Variants in CDK13 observed in about 807,000 individuals in gnomAD.
The protein encoded by CDK13 is cyclin dependent kinase 13, also known as cyclin-dependent kinase 13.
A neutral mutation model predicts 137.6 loss-of-function variants in CDK13; 40 were observed. That is an observed-to-expected ratio of 0.29 (90% CI 0.23 to 0.38). The LOEUF (loss-of-function observed/expected upper bound fraction) is 0.38. CDK13 is among the 10% of genes least tolerant of loss of function. The pLI, the probability that CDK13 is intolerant of heterozygous loss-of-function variation, is 1.00. For missense variants in CDK13, 1,704 were observed against 1,951.8 expected (o/e 0.87, Z 2.39); for synonymous variants, 869 against 760.1 (o/e 1.14, Z -2.36).
chr7:40,050,787 C>T (rs930265795), intron 7 of CDK13, among the ~76,000 whole-genome samples: 3 of 152,140 alleles, frequency 2.0e-5, no homozygotes, highest in African/African-American at 7.2e-5. Context: ...TGAGATTTCA[C>T]TGTAGTTAGA....
chr7:39,986,931 G>C (rs1401510071), intron 1 of CDK13: 2 of 152,118 alleles, frequency 1.3e-5, no homozygotes, highest in Non-Finnish European at 2.9e-5. Flanking sequence ...GGGACTACAG[G>C]CGTGTGCCAC....
chr7:40,037,156 A>G (rs577289730), intron 5 of CDK13, among the ~76,000 whole-genome samples: 2 of 152,276 alleles, frequency 1.3e-5, no homozygotes, highest in African/African-American at 4.8e-5. Flanking sequence ...CCAGAAGTTT[A>G]TTTAGATACA....
At position 39,999,344 on chromosome 7, in the gene CDK13, A is replaced by C. The variant is rs1784634850; in HGVS notation, c.2043-17A>C. The C allele has an allele frequency of 6.3e-7, 1 of 1,587,616 alleles. No homozygotes were observed. Among genetic ancestry groups the C allele is most frequent in the African/African-American group, 1.4e-5 (1 of 73,542 alleles). On this transcript the variant is annotated splice_polypyrimidine_tract_variant and intron_variant, in intron 3 of 13. Coordinates refer to ENST00000181839, the MANE Select transcript of CDK13 (RefSeq NM_003718.5). ...TTGCTTGATTGTATATAAAAACTTT[A>C]GAACTATATTTGATAGAATATGTGG... is the stretch of plus-strand genomic sequence containing the variant.
rs1787106359 is a variant in CDK13 at position 39,950,412 on chromosome 7, C to T, written c.-230C>T. 3 of 1,231,932 alleles carry T rather than the reference C, an allele frequency of 2.4e-6. No individual in the cohort carries two copies. Among genetic ancestry groups the T allele is most frequent in the South Asian group, 4.0e-5 (1 of 25,226 alleles). 76.3% of individuals were successfully genotyped at this position (1,231,932 alleles called of 1,614,324 possible). On this transcript the variant is annotated 5_prime_UTR_variant, in exon 1 of 14. Transcript: ENST00000181839. ...AGGACGACGAGCGCAATCGGGAGCT[C>T]CGCCGCCCGGATTCCTGCTTCCCTG...
At position 40,095,546 on chromosome 7, in the gene CDK13, T is replaced by TA. The variant is rs35644284; in HGVS notation, c.*577dup. 119,340 of 149,386 alleles carry TA rather than the reference T, an allele frequency of 0.8. 48,007 individuals are homozygous for TA. The highest frequency in any genetic ancestry group is 0.92 in the African/African-American group (37,399 of 40,806). The allele number at this position is 149,386 out of a possible 1,614,324, so 9.3% of individuals were successfully genotyped here. The stretch of plus-strand genomic sequence containing the variant: ...CCTTTCTCTTGATGCAACAGTTTTA[T>TA]AAAAAAAAAAATGGTCAACGTTATT... On this transcript the variant is annotated 3_prime_UTR_variant, in exon 14 of 14. Transcript: ENST00000181839.
intron 5 of CDK13, among the ~76,000 whole-genome samples, chr7:40,003,770 G>C (rs1325279252): frequency 6.6e-6 from 1 of 151,942 alleles, no homozygotes; most frequent in Non-Finnish European, 1.5e-5. Flanking sequence ...ATGCCATTTT[G>C]ATTGCCCACC....
chr7:39,996,973 AAAAG>A (rs1784575117), intron 2 of CDK13, among the ~76,000 whole-genome samples: 10 of 147,428 alleles, frequency 6.8e-5, no homozygotes, highest in African/African-American at 2.3e-4. Flanking sequence ...AAAAAAAAAA[AAAAG>A]AAAAAAAAAA....
Position 39,991,493 on chromosome 7 carries a change from G to GTGTA in CDK13, c.1871+3238_1871+3239insATGT, listed in dbSNP as rs1784454530. 1.3e-5 allele frequency among the ~76,000 whole-genome samples: 2 copies of GTGTA among 149,752 alleles called. 1 individual carries two copies. The highest frequency in any genetic ancestry group is 1.3e-4 in the Admixed American group (2 of 15,060). On this transcript the variant is annotated intron_variant, in intron 2 of 13. Coordinates refer to ENST00000181839, the MANE Select transcript of CDK13 (RefSeq NM_003718.5). Reference sequence around the variant, plus strand: ...CAAATACATTAGCAAAAGTGTGTGTGTGTGTGTGTGTGTGTGTGTGTGTGT... The same window carrying GTGTA: ...CAAATACATTAGCAAAAGTGTGTGTGTGTATGTGTGTGTGTGTGTGTGTGTGTGT...
In CDK13 at chr7:40,098,102, A is replaced by AT. The variant is rs1449350009; in HGVS notation, c.*3126dup. ...ATGAAAATTTGAGTATCTTTTTGAA[A>AT]TTTTAAATTGAAATTTGGATAGAGA... is the stretch of plus-strand genomic sequence containing the variant. On this transcript the variant is annotated 3_prime_UTR_variant, in exon 14 of 14. Coordinates refer to ENST00000181839, the MANE Select transcript of CDK13 (RefSeq NM_003718.5). 1.3e-5 allele frequency: 2 copies of AT among 152,110 alleles called. No homozygotes were observed. The highest frequency in any genetic ancestry group is 6.6e-5 in the Admixed American group (1 of 15,266). 9.4% of individuals were successfully genotyped at this position (152,110 alleles called of 1,614,324 possible).
chr7:40,059,844 T>C (rs1786102660), intron 7 of CDK13, among the ~76,000 whole-genome samples: 1 of 152,270 alleles, frequency 6.6e-6, no homozygotes, highest in South Asian at 2.1e-4. Context: ...TCCATATTTT[T>C]GAAATTACAT....
chr7:39,999,603 C>A, intron 4 of CDK13, 103 bp downstream of exon 4: 2 of 1,123,982 alleles, frequency 1.8e-6, no homozygotes, highest in Non-Finnish European at 2.5e-6. Context: ...AAATTAAATT[C>A]AATTTTATTG....
At chr7:40,082,057 A>G (rs564718466) in intron 11 of CDK13, among the ~76,000 whole-genome samples, 9 of 152,366 alleles carry the variant, frequency 5.9e-5, no homozygotes, top group African/African-American at 2.2e-4. Context: ...ACATATTTCC[A>G]TATGAATTCC....
chr7:39,961,868 T>C (rs1346623125), intron 1 of CDK13, among the ~76,000 whole-genome samples: 1 of 152,124 alleles, frequency 6.6e-6, no homozygotes, highest in Non-Finnish European at 1.5e-5. Context: ...TTCCCACCTA[T>C]GAGTGAGAAC....
chr7:40,003,202 A>ACTCTCTCTCT (rs1334115140), intron 5 of CDK13, among the ~76,000 whole-genome samples: 134 of 81,008 alleles, frequency 1.7e-3, no homozygotes, highest in African/African-American at 5.2e-3. Flanking sequence ...ACACACACAC[A>ACTCTCTCTCT]CACACTCTCT....
intron 11 of CDK13, among the ~76,000 whole-genome samples, chr7:40,082,790 C>CA (rs76440638): frequency 0.019 from 1,184 of 60,902 alleles, 6 homozygotes; most frequent in African/African-American, 0.042. Context: ...GACTCTGCCT[C>CA]AAAAAAAAAA....
chr7:40,064,302 A>G (rs1388097150), intron 9 of CDK13, among the ~76,000 whole-genome samples: 1 of 151,618 alleles, frequency 6.6e-6, no homozygotes, highest in East Asian at 1.9e-4. Context: ...AAAAAAAAAA[A>G]AGGTGGGGGG....
intron 5 of CDK13, among the ~76,000 whole-genome samples, chr7:40,013,379 C>T (rs560342743): frequency 1.3e-5 from 2 of 152,196 alleles, no homozygotes; most frequent in South Asian, 4.1e-4. Context: ...CTGAACTGTA[C>T]ATTTTAAAAT....
chr7:39,950,888 C>A lies in CDK13; in HGVS notation c.247C>A (p.Pro83Thr). The A allele has an allele frequency of 7.4e-7, 1 of 1,352,142 alleles. No homozygotes were observed. Among genetic ancestry groups the A allele is most frequent in the Non-Finnish European group, 9.4e-7 (1 of 1,062,364 alleles). The allele number at this position is 1,352,142 out of a possible 1,614,324, so 83.8% of individuals were successfully genotyped here. ...CGCGGCCTCCTCCTCTTGCTTCAGC[C>A]CGGGCCCCCCTCTGGAGGTCAAGCG... ...AAAASSSCFS[P>T]GPPLEVKRLA... Residue 83 changes from proline to threonine, a missense_variant, in exon 1 of 14, where the codon CCG (proline) becomes ACG (threonine). Physicochemically the swap from Pro to Thr is conservative, Grantham distance 38. Around this residue, in one of 5 missense-constraint regions of CDK13, gnomAD observed 1,051 missense variants for 931.0 expected, o/e 1.13. Transcript: ENST00000181839.
intron 5 of CDK13, among the ~76,000 whole-genome samples, chr7:40,034,195 C>G (rs775812759): frequency 6.6e-6 from 1 of 152,166 alleles, no homozygotes; most frequent in Non-Finnish European, 1.5e-5. Context: ...GAACCTCCAG[C>G]TTGGTTTAGG....
Sources: allele counts gnomAD v4.1 joint callset (sites outside exome capture counted in the v4.1 genomes callset), GRCh38; gene constraint gnomAD v4.1.1; regional missense constraint gnomAD v4.1.1; transcripts MANE v1.5; gene names NCBI Gene and HGNC (gene_info 2026-07-23, HGNC 2026-07-21).